The following RELN variants were observed in gnomAD, a reference collection of about 807,000 sequenced individuals.
The protein encoded by RELN is reelin.
In RELN, 108 loss-of-function variants were observed where a neutral mutation model predicts 427.6. The ratio of observed to expected loss-of-function variants is 0.25; its 90% CI spans 0.22 to 0.30. RELN has a LOEUF of 0.30. Ranked by LOEUF, RELN falls within the 10% of genes least tolerant of loss-of-function variation. The probability of loss-of-function intolerance (pLI) is 1.00; values close to 1 mark genes in which losing one functional copy is unlikely to be tolerated. For synonymous variants in RELN, 1,524 were observed against 1,513.4 expected, an observed-to-expected ratio of 1.01 and a Z score of -0.16; for missense variants, 3,715 against 4,302.8, an observed-to-expected ratio of 0.86 and a Z score of 3.82.
chr7:103,608,948 C>A (rs753449988), intron 22 of RELN, among the ~76,000 whole-genome samples: 6 of 152,004 alleles, frequency 3.9e-5, no homozygotes, highest in Non-Finnish European at 5.9e-5. Flanking sequence ...TTAGGCTAGG[C>A]GCGGTGGGTC....
intron 4 of RELN, among the ~76,000 whole-genome samples, chr7:103,756,353 A>C (rs1449722891): frequency 1.3e-5 from 2 of 152,228 alleles, no homozygotes; most frequent in Non-Finnish European, 2.9e-5. Flanking sequence ...TCTGATAGAA[A>C]GCCAGATTTA....
chr7:103,818,358 A>G (rs1347492066), intron 3 of RELN, among the ~76,000 whole-genome samples: 2 of 152,258 alleles, frequency 1.3e-5, no homozygotes, highest in Non-Finnish European at 1.5e-5. Context: ...AAAATGAGAA[A>G]CAATGTTTTC....
At chr7:103,716,198 A>G (rs1377120732) in intron 8 of RELN, among the ~76,000 whole-genome samples, 2 of 152,142 alleles carry the variant, frequency 1.3e-5, no homozygotes, top group South Asian at 2.1e-4. Context: ...CAAATAATGA[A>G]GTCCTCCCTC....
chr7:103,817,616 T>C (rs1584264927), intron 3 of RELN, among the ~76,000 whole-genome samples: 1 of 152,106 alleles, frequency 6.6e-6, no homozygotes, highest in Non-Finnish European at 1.5e-5. Context: ...CTTAGTTATA[T>C]TTACATTAAA....
In RELN at chr7:103,596,590, C is replaced by A. The variant is rs1237253089; in HGVS notation, c.3405G>T (p.Gln1135His). The A allele has an allele frequency of 6.2e-7, 1 of 1,613,920 alleles. No individual in the cohort carries two copies. Among genetic ancestry groups the A allele is most frequent in the African/African-American group, 1.3e-5 (1 of 74,918 alleles). ...TGCATGAAGCACTCTCTCCGCCTAT[C>A]TGGATGTAGAACTGGACAAAGTCCA... ...SWVDFVQFYIQIGGESASCNK... is the reference protein window; with the variant it reads ...SWVDFVQFYIHIGGESASCNK... The change falls in exon 25 of 65, where the codon CAG (glutamine) becomes CAT (histidine). Residue 1135 changes from glutamine (Q) to histidine (H), a missense_variant. Transcript: ENST00000428762.
intron 61 of RELN, 94 bp downstream of exon 61, chr7:103,486,103 C>T: frequency 2.6e-6 from 3 of 1,166,896 alleles, no homozygotes; most frequent in East Asian, 2.3e-5. Context: ...GACATCTGTG[C>T]CATGAAGTTC....
chr7:103,728,810 A>G (rs2283025), intron 6 of RELN, among the ~76,000 whole-genome samples: 14,753 of 152,180 alleles, frequency 0.097, 764 homozygotes, highest in East Asian at 0.16. Flanking sequence ...CATGCTAAAA[A>G]CAATGAAATC....
At chr7:103,839,939 T>C (rs1048159370) in intron 2 of RELN, among the ~76,000 whole-genome samples, 2 of 152,168 alleles carry the variant, frequency 1.3e-5, no homozygotes, top group Non-Finnish European at 2.9e-5. Flanking sequence ...TAGAGGTGGA[T>C]TTCCCTCTTG....
intron 11 of RELN, among the ~76,000 whole-genome samples, chr7:103,670,465 C>A (rs1012064): frequency 0.22 from 33,774 of 151,872 alleles, 3,788 homozygotes; most frequent in Middle Eastern, 0.35. Context: ...CTAGAAGGGA[C>A]TTTCATAATA....
At chr7:103,875,557 G>A (rs1048364528) in intron 2 of RELN, among the ~76,000 whole-genome samples, 1 of 152,130 alleles carries the variant, frequency 6.6e-6, no homozygotes, top group African/African-American at 2.4e-5. Context: ...GATATTTAAT[G>A]TGTTACACCA....
At chr7:103,521,246 T>A (rs1829702532) in intron 48 of RELN, among the ~76,000 whole-genome samples, 1 of 152,052 alleles carries the variant, frequency 6.6e-6, no homozygotes, top group South Asian at 2.1e-4. Context: ...CCCAAAGTGC[T>A]GGGATTACAG....
Position 103,697,983 on chromosome 7 carries a change from A to C in RELN, c.1013T>G (p.Val338Gly), listed in dbSNP as rs200513558. The C allele has an allele frequency of 3.1e-4, 500 of 1,613,592 alleles. No individual in the cohort carries two copies. Among genetic ancestry groups the C allele is most frequent in the Non-Finnish European group, 4.0e-4 (473 of 1,179,812 alleles). The change falls in exon 10 of 65, where the codon GTG becomes GGG. Residue 338 changes from valine (V) to glycine (G), a missense_variant. Around this residue, in one of 4 missense-constraint regions of RELN, gnomAD observed 2,208 missense variants for 2,361.7 expected, o/e 0.93. Transcript: ENST00000428762. The stretch of plus-strand genomic sequence containing the variant: ...ATCTAAGGCCCAGCAGGCTTCATAC[A>C]CTTCACCTACACGAAGATTTTCCTG... The part of the protein sequence containing the change: ...WKQENLRVGE[V>G]YEACWALDNI...
At chr7:103,584,213 T>C (rs978614970) in intron 28 of RELN, among the ~76,000 whole-genome samples, 1 of 152,146 alleles carries the variant, frequency 6.6e-6, no homozygotes, top group African/African-American at 2.4e-5. Flanking sequence ...ATTTCACATA[T>C]CAGTATTAGC....
chr7:103,965,309 C>T (rs1796639850), intron 1 of RELN, among the ~76,000 whole-genome samples: 1 of 152,182 alleles, frequency 6.6e-6, no homozygotes, highest in African/African-American at 2.4e-5. Flanking sequence ...TAATATATCA[C>T]AATAAATGCT....
At chr7:103,478,027 G>A (rs1015068385) in intron 64 of RELN, among the ~76,000 whole-genome samples, 4 of 152,186 alleles carry the variant, frequency 2.6e-5, no homozygotes, top group African/African-American at 9.6e-5. Flanking sequence ...ATTTTCCCTT[G>A]TCCCTCATAA....
At chr7:103,534,116 C>T (rs1039351807) in intron 46 of RELN, among the ~76,000 whole-genome samples, 5 of 152,118 alleles carry the variant, frequency 3.3e-5, no homozygotes, top group Non-Finnish European at 5.9e-5. Flanking sequence ...AAAGTTATGC[C>T]CTAGATGAAT....
intron 2 of RELN, among the ~76,000 whole-genome samples, chr7:103,860,274 T>G (rs776955908): frequency 6.6e-6 from 1 of 152,176 alleles, no homozygotes; most frequent in Non-Finnish European, 1.5e-5. Flanking sequence ...TTTTAACACT[T>G]TTTTACTATA....
chr7:103,643,174 T>C (rs752681460), intron 16 of RELN, among the ~76,000 whole-genome samples: 1 of 152,060 alleles, frequency 6.6e-6, no homozygotes, highest in Non-Finnish European at 1.5e-5. Flanking sequence ...AAAATCAACA[T>C]TAAACAAGGG....
At chr7:103,779,569 C>CTT in intron 3 of RELN, among the ~76,000 whole-genome samples, 1 of 152,178 alleles carries the variant, frequency 6.6e-6, no homozygotes, top group Non-Finnish European at 1.5e-5. Flanking sequence ...TGTCACACCA[C>CTT]TGGTGGCAAA....
Sources: gnomAD v4.1 joint callset for allele counts (sites outside exome capture counted in the v4.1 genomes callset) on GRCh38, gnomAD v4.1.1 for gene constraint, gnomAD v4.1.1 regional missense constraint, MANE v1.5 for transcripts, NCBI Gene and HGNC (gene_info 2026-07-23, HGNC 2026-07-21) for gene names.